The following CNTNAP2 variants were observed in gnomAD, a reference collection of about 807,000 sequenced individuals.
CNTNAP2 encodes contactin associated protein 2.
A neutral mutation model predicts 155.2 loss-of-function variants in CNTNAP2; 98 were observed. That is an observed-to-expected ratio of 0.63 (90% CI 0.54 to 0.75). The LOEUF (loss-of-function observed/expected upper bound fraction) is 0.75, where lower values mean the gene tolerates loss of function less well. Ranked by LOEUF, CNTNAP2 falls within the 30% of genes least tolerant of loss-of-function variation. The pLI is 0.00. For synonymous variants in CNTNAP2, 651 were observed against 631.2 expected (o/e 1.03, Z -0.47); for missense variants, 1,727 against 1,688.1 (o/e 1.02, Z -0.40).
At chr7:147,887,401 G>A (rs1799620047) in intron 13 of CNTNAP2, among the ~76,000 whole-genome samples, 1 of 152,220 alleles carries the variant, frequency 6.6e-6, no homozygotes, top group African/African-American at 2.4e-5. Context: ...GACCCAGGAG[G>A]TGGAGATTGC....
chr7:147,588,326 G>A (rs1050369576), intron 12 of CNTNAP2, among the ~76,000 whole-genome samples: 1 of 152,214 alleles, frequency 6.6e-6, no homozygotes, highest in African/African-American at 2.4e-5. Context: ...TCCAAGAAAA[G>A]ATGATCAGCT....
At chr7:147,291,087 C>T (rs1211087481) in intron 8 of CNTNAP2, among the ~76,000 whole-genome samples, 1 of 152,132 alleles carries the variant, frequency 6.6e-6, no homozygotes, top group African/African-American at 2.4e-5. Flanking sequence ...AGTCCATTCC[C>T]ACTTGTGCCC....
At chr7:146,225,926 A>G (rs563342903) in intron 1 of CNTNAP2, among the ~76,000 whole-genome samples, 46 of 152,304 alleles carry the variant, frequency 3.0e-4, no homozygotes, top group Non-Finnish European at 4.9e-4. Flanking sequence ...TTGTAATCCA[A>G]TTCCATTCTT....
At chr7:148,188,864 C>T (rs1364941872) in intron 18 of CNTNAP2, among the ~76,000 whole-genome samples, 1 of 152,192 alleles carries the variant, frequency 6.6e-6, no homozygotes. Context: ...TATTATTCCA[C>T]CCAGTGGGTT....
chr7:147,131,214 A>G (rs1801350589), intron 7 of CNTNAP2, among the ~76,000 whole-genome samples: 1 of 151,158 alleles, frequency 6.6e-6, no homozygotes, highest in African/African-American at 2.4e-5. Flanking sequence ...CCATATACAT[A>G]TACATATACC....
chr7:146,904,393 C>T (rs1796073035), intron 3 of CNTNAP2, among the ~76,000 whole-genome samples: 1 of 152,192 alleles, frequency 6.6e-6, no homozygotes, highest in Admixed American at 6.5e-5. Context: ...TTACATAATA[C>T]TGTACCCTTA....
Position 147,277,723 on chromosome 7 carries a change from AT to A in CNTNAP2, c.1349-22416del, listed in dbSNP as rs1369822016. 2.0e-5 allele frequency among the ~76,000 whole-genome samples: 3 copies of A among 151,698 alleles called. No individual in the cohort carries two copies. The East Asian group carries it at 5.8e-4, about 29-fold the overall frequency. ...TATTCATCCTCCCAAGAAATCTGTT[AT>A]TATGCCATTTCTTCCGTCTATAAAG... is the stretch of plus-strand genomic sequence containing the variant. On this transcript the variant is annotated intron_variant, in intron 8 of 23. Transcript: ENST00000361727.
chr7:147,000,649 T>C (rs1427513236), intron 3 of CNTNAP2, among the ~76,000 whole-genome samples: 1 of 152,112 alleles, frequency 6.6e-6, no homozygotes, highest in East Asian at 1.9e-4. Flanking sequence ...CCACCATGGC[T>C]GGTATAGTGA....
At chr7:146,878,831 T>C (rs766160029) in intron 3 of CNTNAP2, among the ~76,000 whole-genome samples, 2 of 152,132 alleles carry the variant, frequency 1.3e-5, no homozygotes, top group African/African-American at 4.8e-5. Flanking sequence ...CCACTCCCCA[T>C]TGAAATGTCC....
chr7:147,869,105 A>T (rs1314221381), intron 13 of CNTNAP2, among the ~76,000 whole-genome samples: 1 of 152,220 alleles, frequency 6.6e-6, no homozygotes, highest in South Asian at 2.1e-4. Context: ...CCGTCTTGGA[A>T]TGGAGCTCTA....
In CNTNAP2 at chr7:147,030,918, A is replaced by G. The variant is rs561692840; in HGVS notation, c.403-12989A>G. 1.2e-3 allele frequency among the ~76,000 whole-genome samples: 182 copies of G among 152,268 alleles called. 1 individual carries two copies. Among genetic ancestry groups the G allele is most frequent in the African/African-American group, 4.2e-3 (173 of 41,568 alleles). On this transcript the variant is annotated intron_variant, in intron 3 of 23. Transcript: ENST00000361727. ...ATATAATAGATATTTTTAATTCTCT[A>G]TTGGTTAATTTTATTACATTTAATA...
At chr7:146,811,405 T>G (rs1395423816) in intron 2 of CNTNAP2, among the ~76,000 whole-genome samples, 1 of 152,298 alleles carries the variant, frequency 6.6e-6, no homozygotes, top group African/African-American at 2.4e-5. Flanking sequence ...TCTTTGAACT[T>G]ATCTAATTTG....
intron 3 of CNTNAP2, among the ~76,000 whole-genome samples, chr7:146,877,987 C>G (rs1323517107): frequency 6.6e-6 from 1 of 152,046 alleles, no homozygotes; most frequent in Non-Finnish European, 1.5e-5. Context: ...ATAAAATACT[C>G]AATAGAATAC....
At chr7:146,595,011 T>C (rs1222861209) in intron 1 of CNTNAP2, among the ~76,000 whole-genome samples, 1 of 152,050 alleles carries the variant, frequency 6.6e-6, no homozygotes, top group Non-Finnish European at 1.5e-5. Context: ...ACATAAGTCA[T>C]AGTAAAATCC....
At chr7:147,385,553 C>T (rs1029150663) in intron 9 of CNTNAP2, among the ~76,000 whole-genome samples, 3 of 152,220 alleles carry the variant, frequency 2.0e-5, no homozygotes, top group African/African-American at 7.2e-5. Flanking sequence ...CAAAATCCAG[C>T]AAGGCAGTCA....
intron 18 of CNTNAP2, among the ~76,000 whole-genome samples, chr7:148,199,494 A>G (rs1274339136): frequency 6.6e-6 from 1 of 152,236 alleles, no homozygotes; most frequent in Non-Finnish European, 1.5e-5. Flanking sequence ...AAATGATTCC[A>G]ATGCCCATGT....
chr7:146,721,889 A>ATATATATATTTTTTTTTTTT lies in CNTNAP2; in HGVS notation c.98-52381_98-52380insATATATATTTTTTTTTTTTT. ...TGTGTGTGTGTGTATATATATATAT[A>ATATATATATTTTTTTTTTTT]TTTTTTTTTTTTTTTTTGAGATGGA... On this transcript the variant is annotated intron_variant, in intron 1 of 23. Coordinates refer to ENST00000361727, the MANE Select transcript of CNTNAP2 (RefSeq NM_014141.6). Among the ~76,000 whole-genome samples the ATATATATATTTTTTTTTTTT allele has an allele frequency of 5.7e-5, 4 of 69,738 alleles. No homozygotes were observed. The African/African-American group carries it at 7.6e-4, about 13-fold the overall frequency. 45.8% of individuals were successfully genotyped at this position (69,738 alleles called of 152,430 possible).
At chr7:148,092,528 G>A (rs1218362298) in intron 15 of CNTNAP2, among the ~76,000 whole-genome samples, 8 of 152,186 alleles carry the variant, frequency 5.3e-5, no homozygotes, top group Non-Finnish European at 1.0e-4. Context: ...GGGGCTCTGA[G>A]TGAACCAGCA....
chr7:146,950,996 T>A (rs1797300950), intron 3 of CNTNAP2, among the ~76,000 whole-genome samples: 1 of 152,218 alleles, frequency 6.6e-6, no homozygotes, highest in South Asian at 2.1e-4. Context: ...CTAACTGGCG[T>A]GAGATGGTAT....
Sources: allele counts gnomAD v4.1 joint callset (sites outside exome capture counted in the v4.1 genomes callset), GRCh38; gene constraint gnomAD v4.1.1; transcripts MANE v1.5; gene names NCBI Gene and HGNC (gene_info 2026-07-23, HGNC 2026-07-21).